The following TRPM3 variants were observed in gnomAD, a reference collection of about 807,000 sequenced individuals.
TRPM3 encodes long transient receptor potential channel 3.
TRPM3 carries 77 observed loss-of-function variants against 181.2 expected under a neutral mutation model. The ratio of observed to expected loss-of-function variants is 0.42; its 90% CI spans 0.35 to 0.51. The LOEUF (loss-of-function observed/expected upper bound fraction) is 0.51, where lower values mean the gene tolerates loss of function less well. Among genes scored for constraint, TRPM3 ranks in the 20% least tolerant of loss-of-function variants. TRPM3 has a pLI of 0.01. For synonymous variants in TRPM3, 745 were observed against 796.4 expected, an observed-to-expected ratio of 0.94 and a Z score of 1.09; for missense variants, 1,759 against 2,196.7, an observed-to-expected ratio of 0.80 and a Z score of 3.98.
chr9:71,326,157 G>A (rs967196054), intron 1 of TRPM3, among the ~76,000 whole-genome samples: 1 of 152,166 alleles, frequency 6.6e-6, no homozygotes, highest in Non-Finnish European at 1.5e-5. Context: ...AGATTGTGGG[G>A]AAGAACATAT....
chr9:71,266,649 A>G (rs1007906802), intron 1 of TRPM3, among the ~76,000 whole-genome samples: 2 of 152,162 alleles, frequency 1.3e-5, no homozygotes, highest in Admixed American at 1.3e-4. Flanking sequence ...TATCGCTGAC[A>G]AAATTGCATG....
chr9:70,849,311 AT>A (rs1407946883), intron 3 of TRPM3, among the ~76,000 whole-genome samples: 1 of 151,946 alleles, frequency 6.6e-6, no homozygotes, highest in Admixed American at 6.6e-5. Context: ...GGCCCAGCTA[AT>A]TTTTTTGTAT....
chr9:70,764,135 A>G (rs1262517374), intron 7 of TRPM3, among the ~76,000 whole-genome samples: 1 of 152,148 alleles, frequency 6.6e-6, no homozygotes, highest in Non-Finnish European at 1.5e-5. Context: ...CCCCCAGACA[A>G]TGAAAAGCCA....
At chr9:71,159,137 A>G (rs12002359) in intron 1 of TRPM3, among the ~76,000 whole-genome samples, 1 of 113,304 alleles carries the variant, frequency 8.8e-6, no homozygotes, top group South Asian at 3.0e-4. Flanking sequence ...GAGAGAGAGA[A>G]AGATGTCCAT....
intron 22 of TRPM3, chr9:70,579,274 C>T (rs1458432318): frequency 6.6e-6 from 1 of 152,230 alleles, no homozygotes; most frequent in East Asian, 1.9e-4. Context: ...CTAACCTGGA[C>T]CACTTCACCC....
intron 1 of TRPM3, among the ~76,000 whole-genome samples, chr9:70,926,174 T>C (rs1037362138): frequency 7.2e-5 from 11 of 152,048 alleles, no homozygotes; most frequent in African/African-American, 2.4e-4. Context: ...CCTACAATAG[T>C]TGTCCTCTCA....
chr9:70,967,838 A>G (rs1331776158), intron 1 of TRPM3, among the ~76,000 whole-genome samples: 1 of 152,096 alleles, frequency 6.6e-6, no homozygotes, highest in African/African-American at 2.4e-5. Context: ...GGATATTTCA[A>G]GGGTTTAATG....
Position 70,598,913 on chromosome 9 carries a change from C to T in TRPM3, c.2797-243G>A, listed in dbSNP as rs553027390. Among the ~76,000 whole-genome samples the T allele has an allele frequency of 5.6e-4, 85 of 152,282 alleles. 1 individual carries two copies. The highest frequency in any genetic ancestry group is 1.9e-3 in the African/African-American group (80 of 41,562). On this transcript the variant is annotated intron_variant, in intron 20 of 25. Coordinates refer to ENST00000677713, the MANE Select transcript of TRPM3 (RefSeq NM_001366145.2). ...TTTGGGTGGTGGTAAAATTCTAAGA[C>T]ACACATAAGAGTTTTGCTATAAAAT...
chr9:71,293,771 A>ATCCT (rs1176876477), intron 1 of TRPM3, among the ~76,000 whole-genome samples: 1 of 151,986 alleles, frequency 6.6e-6, no homozygotes, highest in East Asian at 1.9e-4. Flanking sequence ...TCTTGAAAAT[A>ATCCT]TATCCCTACC....
chr9:71,065,228 C>T (rs2061775785), intron 1 of TRPM3, among the ~76,000 whole-genome samples: 1 of 152,056 alleles, frequency 6.6e-6, no homozygotes, highest in African/African-American at 2.4e-5. Flanking sequence ...ATGAAGAAAA[C>T]ATGTTCAATC....
At chr9:70,757,298 C>T (rs747467767) in intron 8 of TRPM3, among the ~76,000 whole-genome samples, 1 of 152,064 alleles carries the variant, frequency 6.6e-6, no homozygotes, top group Non-Finnish European at 1.5e-5. Context: ...AAGTCAAATC[C>T]CTGAATAGAC....
intron 1 of TRPM3, among the ~76,000 whole-genome samples, chr9:71,051,469 G>A (rs1022200605): frequency 6.6e-6 from 1 of 152,192 alleles, no homozygotes; most frequent in Admixed American, 6.5e-5. Flanking sequence ...CAAGTAGTCA[G>A]TTATGGAGCT....
rs1565023592 is a variant in TRPM3, at chr9:71,032,042, ATATATATT to A, written c.177+89128_177+89135del. Among the ~76,000 whole-genome samples the A allele has an allele frequency of 3.5e-3, 11 of 3,142 alleles. 2 individuals carry two copies. The Admixed American group carries it at 0.039, about 11-fold the overall frequency. The allele number at this position is 3,142 out of a possible 152,430, so 2.1% of individuals were successfully genotyped here. ...ATATATATATAATATAAATATATAT[ATATATATT>A]ATATATATTATATATATTATATTAT... On this transcript the variant is annotated intron_variant, in intron 1 of 25. Coordinates refer to ENST00000677713, the MANE Select transcript of TRPM3 (RefSeq NM_001366145.2).
At chr9:71,119,420 A>G (rs1180445826) in intron 1 of TRPM3, among the ~76,000 whole-genome samples, 3 of 152,164 alleles carry the variant, frequency 2.0e-5, no homozygotes, top group Non-Finnish European at 4.4e-5. Flanking sequence ...CAGCACTTTC[A>G]GTTAAAAAAG....
At chr9:70,956,544 A>G (rs567427829) in intron 1 of TRPM3, among the ~76,000 whole-genome samples, 1 of 152,264 alleles carries the variant, frequency 6.6e-6, no homozygotes, top group Admixed American at 6.5e-5. Flanking sequence ...ATTTATATGC[A>G]TATCCTATCC....
chr9:71,054,327 C>T (rs1347077479), intron 1 of TRPM3, among the ~76,000 whole-genome samples: 1 of 152,056 alleles, frequency 6.6e-6, no homozygotes, highest in Non-Finnish European at 1.5e-5. Flanking sequence ...ATTCAGGATG[C>T]TTGCTATGAA....
At chr9:71,345,577 C>T (rs1001311927) in intron 1 of TRPM3, among the ~76,000 whole-genome samples, 2 of 151,364 alleles carry the variant, frequency 1.3e-5, no homozygotes, top group African/African-American at 4.9e-5. Context: ...CATCACACAC[C>T]AGGGCCTGTC....
chr9:70,681,612 C>A, intron 8 of TRPM3, 34 bp from the exon 9 acceptor site: 1 of 1,581,000 alleles, frequency 6.3e-7, no homozygotes, highest in Non-Finnish European at 8.7e-7. Context: ...ATTAGCAAAG[C>A]ATTTTTCCCC....
chr9:71,010,205 G>T (rs547818667), intron 1 of TRPM3, among the ~76,000 whole-genome samples: 1 of 151,950 alleles, frequency 6.6e-6, no homozygotes, highest in Admixed American at 6.6e-5. Flanking sequence ...CAAAAACATA[G>T]GCAACAAATG....
Sources: allele counts gnomAD v4.1 joint callset (sites outside exome capture counted in the v4.1 genomes callset), GRCh38; gene constraint gnomAD v4.1.1; transcripts MANE v1.5; gene names NCBI Gene and HGNC (gene_info 2026-07-23, HGNC 2026-07-21).